SIAH1: variants seen among roughly 807,000 people sequenced by gnomAD.
The protein encoded by SIAH1 is E3 ubiquitin-protein ligase SIAH1.
In SIAH1, 2 loss-of-function variants were observed where a neutral mutation model predicts 20.0. The ratio of observed to expected loss-of-function variants is 0.10; its 90% confidence interval spans 0.04 to 0.31. SIAH1 has a LOEUF of 0.31. Ranked by LOEUF, SIAH1 falls within the 10% of genes least tolerant of loss-of-function variation. SIAH1 has a pLI of 1.00. For synonymous variants in SIAH1, 118 were observed against 125.3 expected (o/e 0.94, Z 0.39); for missense variants, 119 against 355.3 (o/e 0.33, Z 5.35).
chr16:48,365,851 G>A (rs1960814295), intron 1 of SIAH1: 4 of 1,250,270 alleles, frequency 3.2e-6, no homozygotes, highest in Non-Finnish European at 4.0e-6. Context: ...TGGCTGAGAA[G>A]GAAGTGCGCT....
chr16:48,365,459 G>C (rs756288869), intron 1 of SIAH1: 3 of 1,613,678 alleles, frequency 1.9e-6, no homozygotes, highest in Non-Finnish European at 2.5e-6. Context: ...AGAGAAGGTG[G>C]AGTAGCCTTT....
At chr16:48,386,489 A>G (rs1423651630), upstream of SIAH1, among the ~76,000 whole-genome samples, 2 of 152,246 alleles carry the variant, frequency 1.3e-5, no homozygotes, top group Non-Finnish European at 2.9e-5. Context: ...CCTGGACAAC[A>G]GAGCGAGACT....
chr16:48,376,092 A>C (rs1446232276), intron 1 of SIAH1, among the ~76,000 whole-genome samples: 3 of 152,240 alleles, frequency 2.0e-5, no homozygotes, highest in Non-Finnish European at 2.9e-5. Flanking sequence ...ACTTTAAAAT[A>C]TCTTTGGCTG....
Position 48,385,314 on chromosome 16 carries a change from G to A in SIAH1, c.-113C>T, listed in dbSNP as rs551099380. ...GCCTCTTCCCGGCGCCGAGACCGACGGGACACCCTGGGCCGCCGCCGCCTC... is the reference window on the plus strand; with the variant it reads ...GCCTCTTCCCGGCGCCGAGACCGACAGGACACCCTGGGCCGCCGCCGCCTC... On this transcript the variant is annotated 5_prime_UTR_variant, in exon 1 of 2. Transcript: ENST00000394725. 27 of 241,350 alleles carry A rather than the reference G, an allele frequency of 1.1e-4. No homozygotes were observed. Among genetic ancestry groups the A allele is most frequent in the South Asian group, 1.4e-4 (4 of 28,890 alleles). The allele number at this position is 241,350 out of a possible 1,614,324, so 15.0% of individuals were successfully genotyped here.
rs1960873116 is a variant in SIAH1 at position 48,367,558 on chromosome 16, T to C, written c.-2-5128A>G. Among the ~76,000 whole-genome samples, 2 of 152,224 alleles carry C rather than the reference T, an allele frequency of 1.3e-5. 1 individual carries two copies. Among genetic ancestry groups the C allele is most frequent in the South Asian group, 4.1e-4 (2 of 4,836 alleles). Reference sequence around the variant, plus strand: ...TCTAGATTGAGATGGGTAATTTATGTGTATCATGGATGGTACATATTCCAG... The same window carrying C: ...TCTAGATTGAGATGGGTAATTTATGCGTATCATGGATGGTACATATTCCAG... On this transcript the variant is annotated intron_variant, in intron 1 of 1. Coordinates refer to ENST00000394725, the MANE Select transcript of SIAH1 (RefSeq NM_003031.4).
chr16:48,383,798 C>A (rs1292424319), intron 1 of SIAH1, among the ~76,000 whole-genome samples: 8 of 152,232 alleles, frequency 5.3e-5, no homozygotes, highest in Non-Finnish European at 7.3e-5. Context: ...AAACCCAGCA[C>A]TAAAGATCTG....
At chr16:48,373,729 T>C (rs1961037573) in intron 1 of SIAH1, among the ~76,000 whole-genome samples, 1 of 152,208 alleles carries the variant, frequency 6.6e-6, no homozygotes, top group Non-Finnish European at 1.5e-5. Context: ...AAATCTCTGC[T>C]CTACACCCTC....
chr16:48,379,518 G>A (rs914324759), intron 1 of SIAH1, among the ~76,000 whole-genome samples: 2 of 152,172 alleles, frequency 1.3e-5, no homozygotes, highest in African/African-American at 2.4e-5. Flanking sequence ...AAAACACAAC[G>A]AAAAGGCTAG....
intron 1 of SIAH1, among the ~76,000 whole-genome samples, chr16:48,384,999 C>G (rs1961410172): frequency 6.8e-6 from 1 of 147,356 alleles, no homozygotes; most frequent in Non-Finnish European, 1.5e-5. Flanking sequence ...AGCCGGCTTG[C>G]GAAGGCTGAA....
chr16:48,378,412 T>C (rs953235836), intron 1 of SIAH1, among the ~76,000 whole-genome samples: 5 of 152,194 alleles, frequency 3.3e-5, no homozygotes, highest in Non-Finnish European at 7.3e-5. Context: ...GTTCCATTCA[T>C]ATAAGGCACA....
chr16:48,361,534 G>T lies in SIAH1; in HGVS notation c.*46C>A. 6.3e-7 allele frequency: 1 copy of T among 1,590,846 alleles called. No individual in the cohort carries two copies. The highest frequency in any genetic ancestry group is 8.6e-7 in the Non-Finnish European group (1 of 1,167,406). ...GACAGATGGGTGCCTTATTTTCTGT[G>T]AAACTGAAGTTTTAAACACTGGCCA... is the stretch of plus-strand genomic sequence containing the variant. On this transcript the variant is annotated 3_prime_UTR_variant, in exon 2 of 2. Coordinates refer to ENST00000394725, the MANE Select transcript of SIAH1 (RefSeq NM_003031.4).
intron 1 of SIAH1, among the ~76,000 whole-genome samples, chr16:48,367,763 C>T (rs139724140): frequency 0.015 from 2,251 of 151,922 alleles, 24 homozygotes; most frequent in Non-Finnish European, 0.023. Context: ...AACCTTAATT[C>T]TCAACTAGGT....
upstream of SIAH1, chr16:48,385,597 G>GTGCGGGGGCTACTCGGCTACCGTTGC (rs1263677498): frequency 1.3e-5 from 2 of 152,078 alleles, no homozygotes; most frequent in African/African-American, 4.8e-5. Context: ...GCGGCAGTAG[G>GTGCGGGGGCTACTCGGCTACCGTTGC]TGCGGGGGCT....
At chr16:48,371,318 A>G (rs1467403524) in intron 1 of SIAH1, among the ~76,000 whole-genome samples, 1 of 152,188 alleles carries the variant, frequency 6.6e-6, no homozygotes, top group Non-Finnish European at 1.5e-5. Context: ...GTTGTCTCTA[A>G]TCTCATCTTC....
chr16:48,386,088 G>A (rs937451647), upstream of SIAH1, among the ~76,000 whole-genome samples: 10 of 152,188 alleles, frequency 6.6e-5, no homozygotes, highest in Non-Finnish European at 1.3e-4. Flanking sequence ...TAGGGACTCT[G>A]CATTCCACTT....
chr16:48,370,797 C>A (rs1960964356), intron 1 of SIAH1, among the ~76,000 whole-genome samples: 1 of 143,404 alleles, frequency 7.0e-6, no homozygotes, highest in Non-Finnish European at 1.5e-5. Flanking sequence ...CAGAGCAAGA[C>A]TCCATCTCAA....
At chr16:48,365,475 C>T in intron 1 of SIAH1, 2 of 1,612,950 alleles carry the variant, frequency 1.2e-6, no homozygotes, top group Middle Eastern at 1.7e-4. Context: ...CCTTTCCCGT[C>T]ATGAGAAGTC....
chr16:48,379,383 G>A (rs561261059), intron 1 of SIAH1, among the ~76,000 whole-genome samples: 1 of 152,278 alleles, frequency 6.6e-6, no homozygotes, highest in South Asian at 2.1e-4. Context: ...CATGACCAAA[G>A]GCACAGAGAT....
intron 1 of SIAH1, among the ~76,000 whole-genome samples, chr16:48,378,219 G>C (rs925760619): frequency 6.6e-6 from 1 of 152,172 alleles, no homozygotes; most frequent in African/African-American, 2.4e-5. Flanking sequence ...CAAGTGTGGT[G>C]GTGCATGCCT....
Sources: allele counts gnomAD v4.1 joint callset (sites outside exome capture counted in the v4.1 genomes callset), GRCh38; gene constraint gnomAD v4.1.1; transcripts MANE v1.5; gene names NCBI Gene and HGNC (gene_info 2026-07-23, HGNC 2026-07-21).